The following CYB5R4 variants were observed in gnomAD, a reference collection of about 807,000 sequenced individuals.
The protein encoded by CYB5R4 is N-terminal cytochrome b5 and cytochrome b5 oxidoreductase domain-containing protein.
A neutral mutation model predicts 70.2 loss-of-function variants in CYB5R4; 55 were observed. That is an observed-to-expected ratio of 0.78 (90% CI 0.63 to 0.98). The LOEUF is 0.98. CYB5R4 is among the 50% of genes least tolerant of loss of function. The probability of loss-of-function intolerance (pLI) is 0.00; values close to 1 mark genes in which losing one functional copy is unlikely to be tolerated. For synonymous variants in CYB5R4, 197 were observed against 199.5 expected (o/e 0.99, Z 0.11); for missense variants, 562 against 612.6 (o/e 0.92, Z 0.87).
intron 14 of CYB5R4, among the ~76,000 whole-genome samples, chr6:83,949,635 C>T (rs1419963676): frequency 6.6e-6 from 1 of 152,086 alleles, no homozygotes; most frequent in African/African-American, 2.4e-5. Flanking sequence ...CTTTGTGGAA[C>T]AAGGAGAGGG....
At chr6:83,933,892 A>G (rs1344272349) in intron 10 of CYB5R4, among the ~76,000 whole-genome samples, 1 of 152,206 alleles carries the variant, frequency 6.6e-6, no homozygotes, top group Non-Finnish European at 1.5e-5. Context: ...ACCAAAACCT[A>G]CACCTTTAAG....
chr6:83,877,549 G>C (rs1453872751), intron 2 of CYB5R4, among the ~76,000 whole-genome samples: 2 of 151,992 alleles, frequency 1.3e-5, no homozygotes, highest in Non-Finnish European at 2.9e-5. Flanking sequence ...GGGAAGGGCA[G>C]GAGTGGGTGG....
chr6:83,892,049 C>CA (rs2099461197), intron 2 of CYB5R4, among the ~76,000 whole-genome samples: 2 of 152,148 alleles, frequency 1.3e-5, no homozygotes, highest in South Asian at 4.1e-4. Context: ...CATTACCACT[C>CA]ACGTTTTTGG....
chr6:83,897,821 A>C (rs1265106266), intron 3 of CYB5R4, among the ~76,000 whole-genome samples: 3 of 151,892 alleles, frequency 2.0e-5, no homozygotes, highest in Non-Finnish European at 4.4e-5. Context: ...GATTGCAGAA[A>C]TTTTCTCCCA....
chr6:83,917,419 A>G (rs2099465694), intron 5 of CYB5R4, among the ~76,000 whole-genome samples: 1 of 152,174 alleles, frequency 6.6e-6, no homozygotes, highest in Admixed American at 6.5e-5. Flanking sequence ...ATGTACCTGT[A>G]AAAGAATATT....
chr6:83,923,008 AT>A (rs1031869663), intron 9 of CYB5R4, among the ~76,000 whole-genome samples: 1 of 146,364 alleles, frequency 6.8e-6, no homozygotes, highest in Non-Finnish European at 1.5e-5. Flanking sequence ...GGCCCCCCTT[AT>A]TTTTTTTCTC....
At chr6:83,908,942 G>C in intron 3 of CYB5R4, 67 bp from the exon 4 acceptor site, 3 of 1,336,864 alleles carry the variant, frequency 2.2e-6, no homozygotes, top group Middle Eastern at 1.8e-4. Flanking sequence ...AGTTTTGCTC[G>C]TACTAAAATG....
intron 2 of CYB5R4, among the ~76,000 whole-genome samples, chr6:83,879,299 C>T (rs1161741194): frequency 1.3e-5 from 2 of 152,112 alleles, no homozygotes; most frequent in Non-Finnish European, 2.9e-5. Context: ...TTCCCTGTCT[C>T]TTTTCCAGTG....
rs2099473016 is a variant in CYB5R4 at position 83,959,683 on chromosome 6, A to T, written c.1512-141A>T. 55 of 667,608 alleles carry T rather than the reference A, an allele frequency of 8.2e-5. 1 individual carries two copies. The South Asian group carries it at 1.0e-3, about 13-fold the overall frequency. 41.4% of individuals were successfully genotyped at this position (667,608 alleles called of 1,614,324 possible). A position where few individuals can be genotyped will look rare whatever the true frequency, so the allele number is the denominator to read the frequency against. On this transcript the variant is annotated intron_variant, in intron 15 of 15. Transcript: ENST00000369681. ...CTAATCACTAATTTTTTAAGAGGTG[A>T]TAGTGTTTTTTTATTTAAAAAAAAC...
chr6:83,859,936 T>C, intron 1 of CYB5R4, 79 bp downstream of exon 1: 2 of 1,322,336 alleles, frequency 1.5e-6, no homozygotes, highest in Non-Finnish European at 2.1e-6. Context: ...CCGCCCCAAC[T>C]CCCAGCTCCT....
intron 14 of CYB5R4, among the ~76,000 whole-genome samples, chr6:83,945,496 A>G (rs2099470438): frequency 1.3e-5 from 2 of 152,204 alleles, no homozygotes; most frequent in African/African-American, 2.4e-5. Context: ...ACACCCTAAC[A>G]TCACAATGAG....
rs2099473651 is a variant in CYB5R4 at position 83,963,699 on chromosome 6, A to G, written c.*3821A>G. On this transcript the variant is annotated 3_prime_UTR_variant, in exon 16 of 16. Coordinates refer to ENST00000369681, the MANE Select transcript of CYB5R4 (RefSeq NM_016230.4). ...TTTGATGCATATCCCCCATTCATGG[A>G]ATGGAAGCATTATCTTGGGTGCAGC... 2 of 152,182 alleles carry G rather than the reference A, an allele frequency of 1.3e-5. No homozygotes were observed. Among genetic ancestry groups the G allele is most frequent in the Admixed American group, 1.3e-4 (2 of 15,278 alleles). 9.4% of individuals were successfully genotyped at this position (152,182 alleles called of 1,614,324 possible).
intron 2 of CYB5R4, among the ~76,000 whole-genome samples, chr6:83,879,426 G>A (rs2099459104): frequency 6.6e-6 from 1 of 152,092 alleles, no homozygotes; most frequent in Non-Finnish European, 1.5e-5. Flanking sequence ...GAGCGTGTGT[G>A]TTTTACACTC....
In CYB5R4 at chr6:83,924,590, C is replaced by G; in HGVS notation, c.812C>G (p.Thr271Arg). Residue 271 changes from threonine (T) to arginine (R), a missense_variant and splice_region_variant, in exon 10 of 16, where the codon ACA becomes AGA. Transcript: ENST00000369681. ...AATTCACTTATTCCAAGGAAAGATA[C>G]AGGTATGCTGTGTTCTTTTGTTACG... ...NHNSLIPRKD[T>R]GLYYRKCQLI... is the part of the protein sequence containing the mutation. The G allele has an allele frequency of 6.2e-7, 1 of 1,612,788 alleles. No individual in the cohort carries two copies.
intron 3 of CYB5R4, among the ~76,000 whole-genome samples, chr6:83,905,768 G>A (rs2099463661): frequency 6.6e-6 from 1 of 152,030 alleles, no homozygotes. Context: ...GGCAGGTGGT[G>A]TGGCATGGGT....
intron 4 of CYB5R4, chr6:83,909,967 CT>C: frequency 6.7e-7 from 1 of 1,483,242 alleles, no homozygotes; most frequent in Non-Finnish European, 9.2e-7. Context: ...GAGAAACCAT[CT>C]TATATGCATT....
chr6:83,910,045 G>T, intron 4 of CYB5R4: 1 of 1,612,412 alleles, frequency 6.2e-7, no homozygotes, highest in Non-Finnish European at 8.5e-7. Flanking sequence ...GCATGCATTG[G>T]ACAGCTCTTT....
At chr6:83,890,949 G>A (rs2129133625) in intron 2 of CYB5R4, among the ~76,000 whole-genome samples, 1 of 150,690 alleles carries the variant, frequency 6.6e-6, no homozygotes, top group East Asian at 2.0e-4. Context: ...AAACATAACT[G>A]TTATTTATTT....
At chr6:83,953,929 G>T (rs2099471932) in intron 14 of CYB5R4, among the ~76,000 whole-genome samples, 1 of 152,078 alleles carries the variant, frequency 6.6e-6, no homozygotes, top group South Asian at 2.1e-4. Flanking sequence ...AGATCACATA[G>T]GCACTCATCA....
Sources: allele counts gnomAD v4.1 joint callset (sites outside exome capture counted in the v4.1 genomes callset), GRCh38; gene constraint gnomAD v4.1.1; transcripts MANE v1.5; gene names NCBI Gene and HGNC (gene_info 2026-07-23, HGNC 2026-07-21).